The following FAM234A variants were observed in gnomAD, a reference collection of about 807,000 sequenced individuals.
The protein encoded by FAM234A is protein FAM234A.
In FAM234A, 42 loss-of-function variants were observed where a neutral mutation model predicts 49.1. The observed-to-expected ratio is 0.86, with a 90% CI of 0.67 to 1.11. The LOEUF (loss-of-function observed/expected upper bound fraction) is 1.11, where lower values mean the gene tolerates loss of function less well. Ranked by LOEUF, FAM234A falls within the 50% of genes least tolerant of loss-of-function variation. The pLI, the probability that FAM234A is intolerant of heterozygous loss-of-function variation, is 0.00. For missense variants in FAM234A, 815 were observed against 745.2 expected, an observed-to-expected ratio of 1.09 and a Z score of -1.09; for synonymous variants, 369 against 316.2, an observed-to-expected ratio of 1.17 and a Z score of -1.77.
At chr16:238,610 C>CA (rs1302683522) in intron 1 of FAM234A, among the ~76,000 whole-genome samples, 19 of 147,988 alleles carry the variant, frequency 1.3e-4, no homozygotes, top group Admixed American at 2.0e-4. Context: ...ACTAAAAATA[C>CA]AAAAAATTAG....
intron 3 of FAM234A, among the ~76,000 whole-genome samples, chr16:257,307 G>A (rs1048132570): frequency 7.1e-6 from 1 of 141,532 alleles, no homozygotes; most frequent in Non-Finnish European, 1.5e-5. Context: ...GTGCAGTGGC[G>A]CGATCTCGGC....
rs555598856 is a variant in FAM234A at position 264,863 on chromosome 16, G to A, written c.1500G>A (p.Pro500=). 14 of 1,612,108 alleles carry A rather than the reference G, an allele frequency of 8.7e-6. No individual in the cohort carries two copies. The highest frequency in any genetic ancestry group is 1.6e-4 in the Middle Eastern group (1 of 6,082). The change falls in exon 13 of 13, where the codon CCG becomes CCA. Residue 500 remains proline (P), a synonymous_variant. Coordinates refer to ENST00000399932, the MANE Select transcript of FAM234A (RefSeq NM_032039.4). ...RHAAYILLTG[P]ADSEAPGLVS... is the part of the protein sequence containing the mutation. Reference sequence around the variant, plus strand: ...CCGCCTACATCCTTCTGACAGGCCCGGCAGACTCAGAGGCACCCGGCCTGG... The same window carrying A: ...CCGCCTACATCCTTCTGACAGGCCCAGCAGACTCAGAGGCACCCGGCCTGG...
At chr16:263,995 C>T (rs2051589892) in intron 10 of FAM234A, 21 bp from the exon 11 acceptor site, 1 of 1,602,604 alleles carries the variant, frequency 6.2e-7, no homozygotes, top group Non-Finnish European at 8.5e-7. Flanking sequence ...TTGGCCCCCA[C>T]AGTGTCCCCT....
At position 265,540 on chromosome 16, in the gene FAM234A, C is replaced by T. The variant is rs1280678771; in HGVS notation, c.*518C>T. ...TGGAACTCAGGGTACTGGGCCTCAA[C>T]GGGAACCTGAGACAGCTCCAGCTTC... On this transcript the variant is annotated 3_prime_UTR_variant, in exon 13 of 13. Coordinates refer to ENST00000399932, the MANE Select transcript of FAM234A (RefSeq NM_032039.4). 5.1e-6 allele frequency: 5 copies of T among 985,998 alleles called. No homozygotes were observed. The highest frequency in any genetic ancestry group is 1.1e-4 in the East Asian group (1 of 8,836). 61.1% of individuals were successfully genotyped at this position (985,998 alleles called of 1,614,324 possible).
At chr16:268,976 C>G, downstream of FAM234A, 1 of 1,537,620 alleles carries the variant, frequency 6.5e-7, no homozygotes, top group South Asian at 1.2e-5. Context: ...AGGTGGAGCT[C>G]CCTGTGGCCT....
chr16:256,320 C>T (rs2051230928), intron 3 of FAM234A, among the ~76,000 whole-genome samples: 1 of 152,216 alleles, frequency 6.6e-6, no homozygotes, highest in South Asian at 2.1e-4. Flanking sequence ...GACTATTTTC[C>T]ATTCCTACTA....
At chr16:236,634 C>A (rs1434118949) in intron 1 of FAM234A, among the ~76,000 whole-genome samples, 9 of 149,704 alleles carry the variant, frequency 6.0e-5, no homozygotes, top group Non-Finnish European at 1.3e-4. Context: ...AGGCCGGGCG[C>A]GGTGGCTCAC....
At position 254,574 on chromosome 16, in the gene FAM234A, TTTCA is replaced by T; in HGVS notation, c.164_167del (p.Ser55CysfsTer29). 1 of 1,614,114 alleles carries T rather than the reference TTTCA, an allele frequency of 6.2e-7. No individual in the cohort carries two copies. The highest frequency in any genetic ancestry group is 8.5e-7 in the Non-Finnish European group (1 of 1,179,976). On this transcript the variant is annotated frameshift_variant, in exon 3 of 13. Coordinates refer to ENST00000399932, the MANE Select transcript of FAM234A (RefSeq NM_032039.4). LOFTEE classifies it high-confidence loss of function. ...CGGTGCCGAGCGGCGGCGTTTTTTC[TTTCA>T]TTGTTTCTCTGCCTTTTTGTGGTGT...
At chr16:253,333 C>T (rs1567216615) in intron 2 of FAM234A, among the ~76,000 whole-genome samples, 1 of 152,136 alleles carries the variant, frequency 6.6e-6, no homozygotes, top group South Asian at 2.1e-4. Context: ...CTGTCCTCCC[C>T]TGCGGACTTC....
intron 6 of FAM234A, among the ~76,000 whole-genome samples, chr16:261,744 C>T (rs2051475320): frequency 6.6e-6 from 1 of 152,224 alleles, no homozygotes; most frequent in Non-Finnish European, 1.5e-5. Flanking sequence ...TACACACTTC[C>T]CATTTGTGCT....
chr16:261,318 G>A, intron 5 of FAM234A, 66 bp from the exon 6 acceptor site: 1 of 1,565,894 alleles, frequency 6.4e-7, no homozygotes, highest in Admixed American at 1.7e-5. Flanking sequence ...CACAGGCCTT[G>A]CAGTTGCCGG....
intron 5 of FAM234A, chr16:260,393 T>G (rs1323169404): frequency 1.7e-6 from 1 of 582,210 alleles, no homozygotes; most frequent in Non-Finnish European, 3.1e-6. Context: ...TACACCTTGC[T>G]GGTGGGCTGT....
At chr16:247,007 T>G (rs2141226045) in intron 1 of FAM234A, 1 of 152,050 alleles carries the variant, frequency 6.6e-6, no homozygotes, top group Middle Eastern at 3.4e-3. Context: ...ACTCCTGACT[T>G]CGTGATCTGC....
chr16:246,095 G>A (rs1186906702), intron 1 of FAM234A, among the ~76,000 whole-genome samples: 1 of 151,192 alleles, frequency 6.6e-6, no homozygotes, highest in African/African-American at 2.4e-5. Flanking sequence ...GGTGCCTATA[G>A]TCCCAGCCAC....
In FAM234A at chr16:264,945, C is replaced by G. The variant is rs577904477; in HGVS notation, c.1582C>G (p.Leu528Val). ...TGTCCCAAGCAGCAGGGTGGTCCGC[C>G]TGGGTGAGGGTGGGCCAGACAGTGA... Reference protein sequence around the residue: ...DLVPSSRVVRLGEGGPDSDQA... With the variant: ...DLVPSSRVVRVGEGGPDSDQA... Residue 528 changes from leucine (L) to valine (V), a missense_variant, in exon 13 of 13, where the codon CTG becomes GTG. Coordinates refer to ENST00000399932, the MANE Select transcript of FAM234A (RefSeq NM_032039.4). The G allele has an allele frequency of 1.5e-5, 25 of 1,612,992 alleles. No homozygotes were observed. In the African/African-American group the frequency reaches 3.1e-4, roughly 20 times the overall value.
chr16:267,101 A>G (rs2051713241), downstream of FAM234A, among the ~76,000 whole-genome samples: 1 of 152,096 alleles, frequency 6.6e-6, no homozygotes. Flanking sequence ...TGAAGAAGGG[A>G]TTCTTGCCCT....
chr16:248,820 C>G (rs770453766), intron 1 of FAM234A, among the ~76,000 whole-genome samples: 5 of 151,746 alleles, frequency 3.3e-5, no homozygotes, highest in Non-Finnish European at 2.9e-5. Context: ...AGAAGTGTCC[C>G]CTGTTGCCCA....
At chr16:244,142 C>G (rs530035511) in intron 1 of FAM234A, among the ~76,000 whole-genome samples, 22 of 151,916 alleles carry the variant, frequency 1.4e-4, no homozygotes, top group African/African-American at 4.1e-4. Flanking sequence ...CTAATTTTTT[C>G]TATCTTTAGT....
At chr16:263,524 G>A (rs1442392420) in intron 9 of FAM234A, 122 bp downstream of exon 9, 19 of 1,418,086 alleles carry the variant, frequency 1.3e-5, no homozygotes, top group Middle Eastern at 2.3e-4. Flanking sequence ...GCTGCTGCCC[G>A]GGCTTCTTGC....
Sources: allele counts gnomAD v4.1 joint callset (sites outside exome capture counted in the v4.1 genomes callset), GRCh38; gene constraint gnomAD v4.1.1; transcripts MANE v1.5; gene names NCBI Gene and HGNC (gene_info 2026-07-23, HGNC 2026-07-21).